UGGT2: variants seen among roughly 807,000 people sequenced by gnomAD.
UGGT2 encodes the protein UDP-glucose glycoprotein glucosyltransferase 2, also known as UDP-glucose:glycoprotein glucosyltransferase 2.
In UGGT2, 180 loss-of-function variants were observed where a neutral mutation model predicts 192.1. The observed-to-expected ratio is 0.94, with a 90% CI of 0.83 to 1.06. UGGT2 has a LOEUF of 1.06. Among genes scored for constraint, UGGT2 ranks in the 50% least tolerant of loss-of-function variants. The pLI, the probability that UGGT2 is intolerant of heterozygous loss-of-function variation, is 0.00. For synonymous variants in UGGT2, 580 were observed against 591.0 expected (o/e 0.98, Z 0.27); for missense variants, 1,849 against 1,795.7 (o/e 1.03, Z -0.54).
At chr13:95,933,289 T>C (rs926304318) in intron 17 of UGGT2, among the ~76,000 whole-genome samples, 4 of 152,184 alleles carry the variant, frequency 2.6e-5, no homozygotes, top group Non-Finnish European at 5.9e-5. Context: ...AGGGTGTCAA[T>C]TTCTTCCTGA....
chr13:96,009,806 A>AAAAT (rs997599501), intron 5 of UGGT2, among the ~76,000 whole-genome samples: 3 of 146,352 alleles, frequency 2.0e-5, no homozygotes, highest in African/African-American at 5.1e-5. Context: ...GACTCTGTCT[A>AAAAT]AAATAAATAA....
intron 2 of UGGT2, among the ~76,000 whole-genome samples, chr13:96,024,273 T>G (rs2052600848): frequency 1.3e-5 from 2 of 152,160 alleles, no homozygotes; most frequent in African/African-American, 2.4e-5. Flanking sequence ...GTCTGGAACT[T>G]GAACAAACTA....
At chr13:95,953,585 C>A (rs1419300630) in intron 12 of UGGT2, among the ~76,000 whole-genome samples, 1 of 152,180 alleles carries the variant, frequency 6.6e-6, no homozygotes, top group Non-Finnish European at 1.5e-5. Context: ...TTAATTAGAA[C>A]TACCAACATA....
intron 30 of UGGT2, among the ~76,000 whole-genome samples, chr13:95,866,349 A>G (rs1890652594): frequency 6.6e-6 from 1 of 152,140 alleles, no homozygotes; most frequent in African/African-American, 2.4e-5. Flanking sequence ...GTCTTTGTGT[A>G]TCAGTTTTCT....
At chr13:95,938,871 C>T (rs900851755) in intron 16 of UGGT2, among the ~76,000 whole-genome samples, 3 of 152,120 alleles carry the variant, frequency 2.0e-5, no homozygotes, top group Non-Finnish European at 4.4e-5. Context: ...CAAAAGCCTA[C>T]TAGTCCATCT....
chr13:95,919,177 GT>G lies in UGGT2; in HGVS notation c.2295+6502del, dbSNP rs376821569. ...TTGATAAAATGAGACATCCCTTCAT[GT>G]TAAAATCTCAATAAACCAGGTATTA... On this transcript the variant is annotated intron_variant, in intron 20 of 38. Transcript: ENST00000376747. 2.3e-3 allele frequency among the ~76,000 whole-genome samples: 348 copies of G among 152,114 alleles called. 1 individual carries two copies. Among genetic ancestry groups the G allele is most frequent in the African/African-American group, 8.1e-3 (336 of 41,516 alleles).
At chr13:96,013,569 C>A in intron 4 of UGGT2, 88 bp from the exon 5 acceptor site, 2 of 794,284 alleles carry the variant, frequency 2.5e-6, no homozygotes. Flanking sequence ...TCAAACAATT[C>A]ATAATATACA....
chr13:95,968,013 C>T (rs184775773), intron 12 of UGGT2, among the ~76,000 whole-genome samples: 53 of 152,188 alleles, frequency 3.5e-4, no homozygotes, highest in African/African-American at 1.2e-3. Context: ...TGAGGAGTTT[C>T]AGTTATACAA....
rs777580498 is a variant in UGGT2, at chr13:95,854,349, C to T, written c.4135G>A (p.Ala1379Thr). 6.2e-7 allele frequency: 1 copy of T among 1,613,472 alleles called. No individual in the cohort carries two copies. The highest frequency in any genetic ancestry group is 2.2e-5 in the East Asian group (1 of 44,812). The stretch of plus-strand genomic sequence containing the variant: ...TATTTCCGTCTTAAAAGATGTGATG[C>T]CCAGTATCCTGTTTTCCAGAAACGA... ...GYRFWKTGYW[A>T]SHLLRRKYHI... Residue 1379 changes from alanine to threonine, a missense_variant, in exon 35 of 39, where the codon GCA becomes ACA. Ala to Thr is a moderately conservative substitution (Grantham distance 58). Transcript: ENST00000376747.
intron 10 of UGGT2, among the ~76,000 whole-genome samples, chr13:95,978,025 G>A (rs955066490): frequency 6.6e-6 from 1 of 151,870 alleles, no homozygotes; most frequent in African/African-American, 2.4e-5. Context: ...CCTGCCAGGG[G>A]GTAGGGGGCA....
intron 12 of UGGT2, among the ~76,000 whole-genome samples, chr13:95,953,890 A>G (rs866181352): frequency 1.3e-5 from 2 of 152,306 alleles, no homozygotes; most frequent in Non-Finnish European, 2.9e-5. Context: ...TTATCATCTA[A>G]AAGAAAATAG....
At chr13:95,854,286 C>A in intron 35 of UGGT2, 29 bp downstream of exon 35, 1 of 1,580,042 alleles carries the variant, frequency 6.3e-7, no homozygotes, top group South Asian at 1.2e-5. Flanking sequence ...TACTTATTTA[C>A]TAAATGGTAA....
chr13:95,993,633 T>C (rs1438102329), intron 7 of UGGT2, among the ~76,000 whole-genome samples: 1 of 152,124 alleles, frequency 6.6e-6, no homozygotes, highest in Non-Finnish European at 1.5e-5. Flanking sequence ...CACTAGAGTA[T>C]ACTGACTGGC....
chr13:95,891,882 T>C (rs2047812045), intron 24 of UGGT2, among the ~76,000 whole-genome samples: 2 of 152,146 alleles, frequency 1.3e-5, no homozygotes, highest in African/African-American at 4.8e-5. Flanking sequence ...TTACTTCAAA[T>C]ATGGGTCATC....
chr13:95,950,961 A>G (rs930795288), intron 12 of UGGT2, among the ~76,000 whole-genome samples: 1 of 152,156 alleles, frequency 6.6e-6, no homozygotes, highest in African/African-American at 2.4e-5. Flanking sequence ...ATAGGTAACT[A>G]AAAATCCAAG....
intron 38 of UGGT2, among the ~76,000 whole-genome samples, chr13:95,807,992 T>C (rs534061297): frequency 1.6e-4 from 24 of 152,172 alleles, no homozygotes; most frequent in African/African-American, 5.5e-4. Context: ...GGCTTAAAGG[T>C]CCTTATGACA....
intron 22 of UGGT2, 43 bp from the exon 23 acceptor site, chr13:95,895,347 A>G: frequency 2.5e-6 from 3 of 1,198,982 alleles, no homozygotes; most frequent in African/African-American, 3.2e-5. Flanking sequence ...CTTCTAGAAG[A>G]TATCAGTTTA....
Position 95,860,824 on chromosome 13 carries a change from GA to G in UGGT2, c.3703del (p.Ser1235GlnfsTer12). 3.8e-6 allele frequency: 6 copies of G among 1,562,862 alleles called. No homozygotes were observed. The highest frequency in any genetic ancestry group is 1.8e-5 in the Admixed American group (1 of 54,694). Reference sequence around the variant, plus strand: ...TTCATATAAATGACCAGAAGCAACTGAAAAAATGTTTAGGACATCTTTTTCC... The same window carrying G: ...TTCATATAAATGACCAGAAGCAACTGAAAAATGTTTAGGACATCTTTTTCC... The part of the protein sequence containing the change: ...KKEKDVLNIF[S>X]VASGHLYERF... On this transcript the variant is annotated frameshift_variant, in exon 32 of 39. Coordinates refer to ENST00000376747, the MANE Select transcript of UGGT2 (RefSeq NM_020121.4). LOFTEE classifies it high-confidence loss of function.
intron 5 of UGGT2, among the ~76,000 whole-genome samples, chr13:95,999,764 GC>G (rs11284611): frequency 0.37 from 55,499 of 151,884 alleles, 10,574 homozygotes; most frequent in Middle Eastern, 0.44. Context: ...GAAAGTAGTG[GC>G]AAAGGAGACA....
Sources: gnomAD v4.1 joint callset for allele counts (sites outside exome capture counted in the v4.1 genomes callset) on GRCh38, gnomAD v4.1.1 for gene constraint, MANE v1.5 for transcripts, NCBI Gene and HGNC (gene_info 2026-07-23, HGNC 2026-07-21) for gene names.